Variants in TRPM7 observed in about 807,000 individuals in gnomAD.
TRPM7 encodes the protein LTRPC ion channel family member 7.
A neutral mutation model predicts 229.7 loss-of-function variants in TRPM7; 134 were observed. That is an observed-to-expected ratio of 0.58 (90% CI 0.51 to 0.67). TRPM7 has a LOEUF of 0.67. Among genes scored for constraint, TRPM7 ranks in the 30% least tolerant of loss-of-function variants. TRPM7 has a pLI of 0.00. For synonymous variants in TRPM7, 699 were observed against 715.2 expected (o/e 0.98, Z 0.36); for missense variants, 1,901 against 2,210.0 (o/e 0.86, Z 2.80).
intron 38 of TRPM7, among the ~76,000 whole-genome samples, chr15:50,566,456 G>A (rs2053601336): frequency 6.6e-6 from 1 of 152,126 alleles, no homozygotes; most frequent in Admixed American, 6.6e-5. Context: ...CCAGCACTTT[G>A]GGAGGCCGAG....
chr15:50,639,826 C>T (rs950217641), intron 5 of TRPM7, among the ~76,000 whole-genome samples: 1 of 150,916 alleles, frequency 6.6e-6, no homozygotes, highest in Non-Finnish European at 1.5e-5. Flanking sequence ...ACAGTCATTA[C>T]TGTGTTCAGA....
chr15:50,611,021 C>A, intron 17 of TRPM7, 72 bp downstream of exon 17: 1 of 1,229,918 alleles, frequency 8.1e-7, no homozygotes, highest in Non-Finnish European at 1.2e-6. Context: ...CATTTTACTA[C>A]ACATTTAGAC....
intron 11 of TRPM7, among the ~76,000 whole-genome samples, chr15:50,627,151 A>G (rs1211614677): frequency 6.6e-6 from 1 of 152,220 alleles, no homozygotes; most frequent in African/African-American, 2.4e-5. Flanking sequence ...ACTACCTACC[A>G]AGCTGTCAAT....
At chr15:50,664,344 A>C (rs1382202632) in intron 1 of TRPM7, among the ~76,000 whole-genome samples, 1 of 151,992 alleles carries the variant, frequency 6.6e-6, no homozygotes, top group Non-Finnish European at 1.5e-5. Flanking sequence ...AGATTGATAA[A>C]AAATAAAACC....
At chr15:50,591,689 G>T (rs1486820024) in intron 26 of TRPM7, among the ~76,000 whole-genome samples, 2 of 151,718 alleles carry the variant, frequency 1.3e-5, no homozygotes, top group Non-Finnish European at 1.5e-5. Flanking sequence ...GTAGAGATGG[G>T]GTCTTGCTAT....
chr15:50,594,814 AT>A (rs1351302536), intron 23 of TRPM7, among the ~76,000 whole-genome samples: 3 of 152,218 alleles, frequency 2.0e-5, no homozygotes, highest in Admixed American at 6.5e-5. Flanking sequence ...GCAGAAAAAA[AT>A]AATTTAAAAA....
intron 1 of TRPM7, among the ~76,000 whole-genome samples, chr15:50,673,139 A>G (rs542368502): frequency 6.6e-6 from 1 of 152,058 alleles, no homozygotes; most frequent in Non-Finnish European, 1.5e-5. Flanking sequence ...TCAAGTCTAC[A>G]TAAGTGTAAT....
At chr15:50,626,369 T>C (rs182257784) in intron 11 of TRPM7, among the ~76,000 whole-genome samples, 3 of 152,234 alleles carry the variant, frequency 2.0e-5, no homozygotes, top group East Asian at 3.9e-4. Flanking sequence ...TTATAACCAC[T>C]GCCCTAGAAC....
chr15:50,660,764 A>T (rs1402368570), intron 2 of TRPM7, among the ~76,000 whole-genome samples: 1 of 151,672 alleles, frequency 6.6e-6, no homozygotes, highest in East Asian at 1.9e-4. Context: ...CTGGGTGATC[A>T]TTTATATTCC....
At chr15:50,582,878 TG>T (rs1318886542) in intron 29 of TRPM7, 1 of 325,366 alleles carries the variant, frequency 3.1e-6, no homozygotes, top group Non-Finnish European at 5.7e-6. Flanking sequence ...AAGAGATTCC[TG>T]CCTTTATTCT....
intron 1 of TRPM7, among the ~76,000 whole-genome samples, chr15:50,678,669 G>A (rs931916131): frequency 2.0e-5 from 3 of 151,898 alleles, no homozygotes; most frequent in Non-Finnish European, 2.9e-5. Flanking sequence ...AACCCTATGA[G>A]AGTTTTAAAG....
chr15:50,609,244 C>T (rs2059999251), intron 19 of TRPM7, among the ~76,000 whole-genome samples: 1 of 152,112 alleles, frequency 6.6e-6, no homozygotes, highest in Admixed American at 6.6e-5. Context: ...AATCCTAAAG[C>T]ACAAAAAATT....
intron 20 of TRPM7, among the ~76,000 whole-genome samples, chr15:50,605,783 C>G (rs76438309): frequency 0.015 from 2,355 of 152,220 alleles, 66 homozygotes; most frequent in African/African-American, 0.054. Context: ...TTTTAAAACG[C>G]TTTGCAATTT....
intron 11 of TRPM7, among the ~76,000 whole-genome samples, chr15:50,625,790 C>T (rs1181194222): frequency 6.6e-6 from 1 of 152,100 alleles, no homozygotes; most frequent in Non-Finnish European, 1.5e-5. Flanking sequence ...TTTTTCAATA[C>T]TCAGTTCTGT....
intron 31 of TRPM7, among the ~76,000 whole-genome samples, chr15:50,577,987 T>A (rs900254356): frequency 1.3e-5 from 2 of 151,440 alleles, no homozygotes; most frequent in Non-Finnish European, 2.9e-5. Flanking sequence ...ATTTCATTTA[T>A]ATAGCCAATA....
intron 1 of TRPM7, 152 bp downstream of exon 1, chr15:50,686,379 G>A (rs1337985189): frequency 6.9e-6 from 9 of 1,308,328 alleles, no homozygotes; most frequent in Non-Finnish European, 9.8e-6. Flanking sequence ...CTGCACACCC[G>A]TCCCGAGAGG....
At chr15:50,674,816 G>GT (rs2062059647) in intron 1 of TRPM7, among the ~76,000 whole-genome samples, 1 of 152,032 alleles carries the variant, frequency 6.6e-6, no homozygotes, top group Non-Finnish European at 1.5e-5. Flanking sequence ...TAATGGGTTT[G>GT]TTTTTGTTTT....
Position 50,632,787 on chromosome 15 carries a change from G to A in TRPM7, c.1131+82C>T, listed in dbSNP as rs1028389962. 1.1e-5 allele frequency: 14 copies of A among 1,292,744 alleles called. 1 individual carries two copies. The South Asian group carries it at 1.2e-4, about 11-fold the overall frequency. The allele number at this position is 1,292,744 out of a possible 1,614,324, so 80.1% of individuals were successfully genotyped here. On this transcript the variant is annotated intron_variant, in intron 9 of 38. Coordinates refer to ENST00000646667, the MANE Select transcript of TRPM7 (RefSeq NM_017672.6). ...GTTTAAAATCCAAATAAAAACAAAA[G>A]TATTTCACCAGTTTAGAATGTGTTT... is the stretch of plus-strand genomic sequence containing the variant.
chr15:50,678,102 G>A (rs1214870948), intron 1 of TRPM7, among the ~76,000 whole-genome samples: 1 of 151,576 alleles, frequency 6.6e-6, no homozygotes, highest in Non-Finnish European at 1.5e-5. Context: ...TCAGCCGGGC[G>A]TGGTGGTGGG....
Sources: gnomAD v4.1 joint callset for allele counts (sites outside exome capture counted in the v4.1 genomes callset) on GRCh38, gnomAD v4.1.1 for gene constraint, MANE v1.5 for transcripts, NCBI Gene and HGNC (gene_info 2026-07-23, HGNC 2026-07-21) for gene names.